ATP9B: variants seen among roughly 807,000 people sequenced by gnomAD.
The protein encoded by ATP9B is ATPase phospholipid transporting 9B, also known as probable phospholipid-transporting ATPase IIB.
Under a neutral mutation model 146.1 loss-of-function variants are expected in ATP9B, and 110 were observed. The ratio of observed to expected loss-of-function variants is 0.75; its 90% CI spans 0.65 to 0.88. The LOEUF (loss-of-function observed/expected upper bound fraction) is 0.88, where lower values mean the gene tolerates loss of function less well. Among genes scored for constraint, ATP9B ranks in the 40% least tolerant of loss-of-function variants. ATP9B has a pLI of 0.00. For synonymous variants in ATP9B, 604 were observed against 569.7 expected (o/e 1.06, Z -0.86); for missense variants, 1,499 against 1,496.4 (o/e 1.00, Z -0.03).
chr18:79,345,296 C>A, intron 21 of ATP9B, 132 bp from the exon 22 acceptor site: 1 of 1,101,436 alleles, frequency 9.1e-7, no homozygotes, highest in Non-Finnish European at 1.3e-6. Context: ...AAATGATTCA[C>A]AGAAAACTGA....
At chr18:79,175,817 C>T (rs1422897871) in intron 7 of ATP9B, among the ~76,000 whole-genome samples, 1 of 152,184 alleles carries the variant, frequency 6.6e-6, no homozygotes, top group African/African-American at 2.4e-5. Context: ...ACAAGTTAGC[C>T]ATGCACGCGC....
chr18:79,285,371 G>A (rs1462275900), intron 13 of ATP9B, among the ~76,000 whole-genome samples: 6 of 152,234 alleles, frequency 3.9e-5, no homozygotes, highest in Non-Finnish European at 8.8e-5. Flanking sequence ...CTGATGACCA[G>A]TGATGATGAG....
At chr18:79,204,094 G>T (rs1201334598) in intron 9 of ATP9B, among the ~76,000 whole-genome samples, 7 of 152,148 alleles carry the variant, frequency 4.6e-5, no homozygotes. Flanking sequence ...TTTCTGGATT[G>T]TTTATCTTAG....
intron 7 of ATP9B, among the ~76,000 whole-genome samples, chr18:79,167,549 CAG>C (rs2094990157): frequency 6.6e-6 from 1 of 152,066 alleles, no homozygotes; most frequent in Non-Finnish European, 1.5e-5. Flanking sequence ...GTGCAGCCCT[CAG>C]AGTAGAGGGG....
intron 7 of ATP9B, 80 bp from the exon 8 acceptor site, chr18:79,176,733 T>C (rs1039161346): frequency 1.7e-6 from 2 of 1,171,482 alleles, no homozygotes; most frequent in Non-Finnish European, 2.5e-6. Context: ...CCTGGAATTA[T>C]TCTTTGATGG....
At chr18:79,252,336 A>G (rs774558275) in intron 11 of ATP9B, among the ~76,000 whole-genome samples, 1 of 152,238 alleles carries the variant, frequency 6.6e-6, no homozygotes, top group African/African-American at 2.4e-5. Flanking sequence ...TGGCAGGGCC[A>G]GCATCTAAAT....
At chr18:79,247,547 A>C (rs969684772) in intron 11 of ATP9B, among the ~76,000 whole-genome samples, 1 of 152,190 alleles carries the variant, frequency 6.6e-6, no homozygotes, top group African/African-American at 2.4e-5. Context: ...ATCCTTAAAA[A>C]CATGTTTATA....
chr18:79,182,770 A>G (rs1479096429), intron 8 of ATP9B, among the ~76,000 whole-genome samples: 1 of 152,136 alleles, frequency 6.6e-6, no homozygotes, highest in Non-Finnish European at 1.5e-5. Flanking sequence ...ACTAAAACAA[A>G]CAGTTATTTG....
intron 12 of ATP9B, among the ~76,000 whole-genome samples, chr18:79,265,963 C>G (rs1439958038): frequency 6.6e-6 from 1 of 152,212 alleles, no homozygotes; most frequent in African/African-American, 2.4e-5. Flanking sequence ...AATGGCCAGC[C>G]AGTTATCTCA....
intron 13 of ATP9B, 123 bp downstream of exon 13, chr18:79,277,319 G>A: frequency 1.6e-6 from 2 of 1,255,898 alleles, no homozygotes; most frequent in Middle Eastern, 2.0e-4. Context: ...ACAGATCATT[G>A]AATCCATATT....
chr18:79,250,170 C>T (rs1345243183), intron 11 of ATP9B, among the ~76,000 whole-genome samples: 1 of 152,164 alleles, frequency 6.6e-6, no homozygotes. Context: ...TGTTTCCATC[C>T]AATACGTGGC....
intron 11 of ATP9B, among the ~76,000 whole-genome samples, chr18:79,220,866 G>A (rs1236966824): frequency 6.6e-6 from 1 of 152,224 alleles, no homozygotes; most frequent in Non-Finnish European, 1.5e-5. Context: ...GCTGTAGGAT[G>A]TCACGCCCTC....
At chr18:79,122,261 C>T (rs910425306) in intron 4 of ATP9B, among the ~76,000 whole-genome samples, 6 of 152,034 alleles carry the variant, frequency 3.9e-5, no homozygotes, top group African/African-American at 1.4e-4. Flanking sequence ...ACAAACAGAA[C>T]TTTTTTTAAG....
At chr18:79,151,267 T>C (rs2094684453) in intron 6 of ATP9B, among the ~76,000 whole-genome samples, 1 of 152,158 alleles carries the variant, frequency 6.6e-6, no homozygotes. Context: ...AACTCAGAAA[T>C]TTATGGTTAA....
chr18:79,131,648 A>C (rs529954696), intron 5 of ATP9B, among the ~76,000 whole-genome samples: 49 of 152,342 alleles, frequency 3.2e-4, no homozygotes, highest in South Asian at 1.7e-3. Context: ...TAAAGCAGGG[A>C]CCCAGTGTTT....
At position 79,154,528 on chromosome 18, in the gene ATP9B, G is replaced by T. The variant is rs201122445; in HGVS notation, c.751G>T (p.Val251Leu). 1 of 1,538,418 alleles carries T rather than the reference G, an allele frequency of 6.5e-7. No individual in the cohort carries two copies. The highest frequency in any genetic ancestry group is 1.4e-5 in the African/African-American group (1 of 70,426). The part of the protein sequence containing the change: ...EKNQRIPSDM[V>L]FLRTSEKAGS... ...GAATCAAAGAATTCCATCGGACATG[G>T]TGTTTCTTAGGACTTCAGAAAAAGC... Residue 251 changes from valine (V) to leucine (L), a missense_variant, in exon 7 of 30, where the codon GTG (valine) becomes TTG (leucine). Transcript: ENST00000426216.
chr18:79,373,274 ATAAC>A (rs35132093), intron 27 of ATP9B, among the ~76,000 whole-genome samples: 20,425 of 152,164 alleles, frequency 0.13, 1,473 homozygotes, highest in Admixed American at 0.18. Context: ...TGTTGCAAGT[ATAAC>A]TAACAGATCA....
At chr18:79,108,253 G>A (rs985329592) in intron 2 of ATP9B, among the ~76,000 whole-genome samples, 3 of 152,160 alleles carry the variant, frequency 2.0e-5, no homozygotes, top group Non-Finnish European at 4.4e-5. Context: ...AAGAGGTAAG[G>A]TGAGAGAAAT....
intron 6 of ATP9B, among the ~76,000 whole-genome samples, chr18:79,154,227 C>T (rs1405389670): frequency 1.3e-5 from 2 of 151,886 alleles, no homozygotes; most frequent in Non-Finnish European, 2.9e-5. Context: ...TCCCAAGGTG[C>T]TGGAATTACA....
Sources: gnomAD v4.1 joint callset for allele counts (sites outside exome capture counted in the v4.1 genomes callset) on GRCh38, gnomAD v4.1.1 for gene constraint, MANE v1.5 for transcripts, NCBI Gene and HGNC (gene_info 2026-07-23, HGNC 2026-07-21) for gene names.